Variants in AMBRA1 observed in about 807,000 individuals in gnomAD.
The protein encoded by AMBRA1 is activating molecule in BECN1-regulated autophagy protein 1.
AMBRA1 carries 47 observed loss-of-function variants against 125.4 expected under a neutral mutation model. That is an observed-to-expected ratio of 0.37 (90% CI 0.30 to 0.48). The LOEUF (loss-of-function observed/expected upper bound fraction) is 0.48, where lower values mean the gene tolerates loss of function less well. Among genes scored for constraint, AMBRA1 ranks in the 20% least tolerant of loss-of-function variants. The pLI is 0.99. For synonymous variants in AMBRA1, 626 were observed against 655.5 expected, an observed-to-expected ratio of 0.95 and a Z score of 0.69; for missense variants, 1,331 against 1,693.4, an observed-to-expected ratio of 0.79 and a Z score of 3.76.
chr11:46,553,508 A>G (rs915402840), intron 1 of AMBRA1, among the ~76,000 whole-genome samples: 1 of 152,044 alleles, frequency 6.6e-6, no homozygotes, highest in Non-Finnish European at 1.5e-5. Context: ...GCACTTTGGG[A>G]GGCCAAGGCG....
In AMBRA1 at chr11:46,397,672, G is replaced by A; in HGVS notation, c.3675C>T (p.Gly1225=). 6.2e-7 allele frequency: 1 copy of A among 1,613,146 alleles called. No individual in the cohort carries two copies. The highest frequency in any genetic ancestry group is 8.5e-7 in the Non-Finnish European group (1 of 1,179,496). Residue 1225 remains glycine, a synonymous_variant, in exon 18 of 18, where the codon GGC becomes GGT. Transcript: ENST00000683756. The stretch of plus-strand genomic sequence containing the variant: ...CCCAGGAAGCTGTCCGGGGGCTTAG[G>A]CCTCGCTCTGCCAGTTGCCCGGCCT... ...LPEAGQLAER[G]LSPRTASWDQ...
At chr11:46,426,190 T>C (rs1947124981) in intron 14 of AMBRA1, among the ~76,000 whole-genome samples, 1 of 151,948 alleles carries the variant, frequency 6.6e-6, no homozygotes, top group Admixed American at 6.6e-5. Context: ...GCTGTTACAG[T>C]GATAGTGGTG....
chr11:46,462,245 A>C (rs1037219750), intron 11 of AMBRA1, among the ~76,000 whole-genome samples: 2 of 152,200 alleles, frequency 1.3e-5, no homozygotes, highest in African/African-American at 4.8e-5. Context: ...CACCTTTTTA[A>C]GACCAACTCC....
At chr11:46,540,101 G>C (rs529543909) in intron 7 of AMBRA1, among the ~76,000 whole-genome samples, 2 of 152,250 alleles carry the variant, frequency 1.3e-5, no homozygotes, top group African/African-American at 4.8e-5. Context: ...CAAAGTTCTT[G>C]GATGACAGGC....
At chr11:46,444,447 G>A (rs1948176546) in intron 11 of AMBRA1, among the ~76,000 whole-genome samples, 1 of 152,148 alleles carries the variant, frequency 6.6e-6, no homozygotes, top group Non-Finnish European at 1.5e-5. Context: ...ACATGAACAT[G>A]TCATTTCCTC....
chr11:46,446,786 C>T (rs535567920), intron 11 of AMBRA1, among the ~76,000 whole-genome samples: 7 of 152,322 alleles, frequency 4.6e-5, no homozygotes, highest in African/African-American at 1.7e-4. Context: ...CATTTTAACT[C>T]CAGGGTAGGT....
At chr11:46,586,633 A>G (rs1219303882) in intron 1 of AMBRA1, among the ~76,000 whole-genome samples, 1 of 152,230 alleles carries the variant, frequency 6.6e-6, no homozygotes, top group East Asian at 1.9e-4. Flanking sequence ...TTTTGTTATA[A>G]TAACATTGTT....
intron 11 of AMBRA1, among the ~76,000 whole-genome samples, chr11:46,458,091 T>A (rs1301759293): frequency 6.6e-6 from 1 of 152,112 alleles, no homozygotes; most frequent in Admixed American, 6.5e-5. Flanking sequence ...CATAAACTGC[T>A]CTGAAACTTG....
chr11:46,439,139 T>C (rs1489678992), intron 12 of AMBRA1, among the ~76,000 whole-genome samples: 2 of 151,802 alleles, frequency 1.3e-5, no homozygotes, highest in African/African-American at 2.4e-5. Context: ...CCAGATATGG[T>C]GGCATGTGCC....
chr11:46,500,956 T>C (rs984082504), intron 9 of AMBRA1, among the ~76,000 whole-genome samples: 2 of 152,186 alleles, frequency 1.3e-5, no homozygotes, highest in African/African-American at 4.8e-5. Flanking sequence ...CTTCAATGAT[T>C]CCCTCTTGCC....
At chr11:46,500,206 T>C (rs1489059315) in intron 9 of AMBRA1, among the ~76,000 whole-genome samples, 1 of 152,206 alleles carries the variant, frequency 6.6e-6, no homozygotes, top group African/African-American at 2.4e-5. Context: ...CAGTCACTGC[T>C]GTTCTAAGAA....
Position 46,397,594 on chromosome 11 carries a change from G to C in AMBRA1, c.3753C>G (p.Ser1251=), listed in dbSNP as rs747977891. 4 of 1,603,448 alleles carry C rather than the reference G, an allele frequency of 2.5e-6. No homozygotes were observed. Among genetic ancestry groups the C allele is most frequent in the Non-Finnish European group, 2.6e-6 (3 of 1,173,792 alleles). ...REPTQPTLPS[S]SPVPIPVSLP... is the part of the protein sequence containing the mutation. The stretch of plus-strand genomic sequence containing the variant: ...GGGAAACAGGAATGGGGACAGGGGA[G>C]GAAGAGGGCAGGGTTGGCTGGGTTG... Residue 1251 remains serine (S), a synonymous_variant, in exon 18 of 18, where the codon TCC becomes TCG. Transcript: ENST00000683756.
chr11:46,423,956 T>C (rs1482191746), intron 14 of AMBRA1, among the ~76,000 whole-genome samples: 3 of 151,276 alleles, frequency 2.0e-5, no homozygotes. Flanking sequence ...AGAGATGGGG[T>C]ATCTCCAAGT....
chr11:46,499,629 A>G (rs532042409), intron 9 of AMBRA1, among the ~76,000 whole-genome samples: 1 of 151,936 alleles, frequency 6.6e-6, no homozygotes, highest in South Asian at 2.1e-4. Context: ...TCATTATTGT[A>G]CCTCTGCCTA....
chr11:46,493,921 C>A, intron 10 of AMBRA1: 1 of 645,604 alleles, frequency 1.5e-6, no homozygotes, highest in Non-Finnish European at 2.6e-6. Context: ...TGTTCTTAAA[C>A]AGGATTCTCC....
Position 46,410,380 on chromosome 11 carries a change from T to G in AMBRA1, c.3117-12A>C. 1.2e-6 allele frequency: 2 copies of G among 1,611,368 alleles called. No individual in the cohort carries two copies. Among genetic ancestry groups the G allele is most frequent in the Non-Finnish European group, 1.7e-6 (2 of 1,177,666 alleles). ...CAGAGTTTAAGGCCCTAAAAATCAG[T>G]TGGGAAGGGTAAAGAAGAAGGTGAA... is the stretch of plus-strand genomic sequence containing the variant. On this transcript the variant is annotated splice_polypyrimidine_tract_variant and intron_variant, in intron 15 of 17. Coordinates refer to ENST00000683756, the MANE Select transcript of AMBRA1 (RefSeq NM_001387011.1).
chr11:46,590,907 C>T (rs2044572680), intron 1 of AMBRA1, among the ~76,000 whole-genome samples: 2 of 141,188 alleles, frequency 1.4e-5, no homozygotes, highest in South Asian at 4.5e-4. Flanking sequence ...AGTGAGACTC[C>T]ATCTCAAAAA....
intron 11 of AMBRA1, among the ~76,000 whole-genome samples, chr11:46,447,042 T>A (rs1203839821): frequency 6.6e-6 from 1 of 152,214 alleles, no homozygotes; most frequent in African/African-American, 2.4e-5. Context: ...TGAACCTCAG[T>A]TTCCTTATCT....
At chr11:46,498,350 A>G (rs563181508) in intron 9 of AMBRA1, among the ~76,000 whole-genome samples, 1 of 152,304 alleles carries the variant, frequency 6.6e-6, no homozygotes, top group East Asian at 1.9e-4. Flanking sequence ...ATCAATTCCA[A>G]CAGCCTGAAG....
Sources: gnomAD v4.1 joint callset for allele counts (sites outside exome capture counted in the v4.1 genomes callset) on GRCh38, gnomAD v4.1.1 for gene constraint, MANE v1.5 for transcripts, NCBI Gene and HGNC (gene_info 2026-07-23, HGNC 2026-07-21) for gene names.